XPR1: variants seen among roughly 807,000 people sequenced by gnomAD.
XPR1 encodes solute carrier family 53 member 1.
A neutral mutation model predicts 87.5 loss-of-function variants in XPR1; 28 were observed. That is an observed-to-expected ratio of 0.32 (90% CI 0.24 to 0.44). XPR1 has a LOEUF of 0.44. Among genes scored for constraint, XPR1 ranks in the 20% least tolerant of loss-of-function variants. XPR1 has a pLI of 1.00. For synonymous variants in XPR1, 300 were observed against 306.1 expected (o/e 0.98, Z 0.21); for missense variants, 559 against 862.3 (o/e 0.65, Z 4.41).
At chr1:180,846,779 A>G (rs1230756692) in intron 11 of XPR1, among the ~76,000 whole-genome samples, 2 of 151,924 alleles carry the variant, frequency 1.3e-5, no homozygotes, top group South Asian at 2.1e-4. Flanking sequence ...TTGGATAGGT[A>G]TAAGATACGG....
intron 2 of XPR1, among the ~76,000 whole-genome samples, chr1:180,688,084 T>G (rs1656850666): frequency 6.8e-6 from 1 of 147,854 alleles, no homozygotes; most frequent in Non-Finnish European, 1.5e-5. Flanking sequence ...AGTGTCTTGC[T>G]CTCTCTCCCA....
intron 13 of XPR1, 145 bp downstream of exon 13, chr1:180,874,087 GGAAAA>G: frequency 9.8e-7 from 1 of 1,021,764 alleles, no homozygotes; most frequent in Non-Finnish European, 1.4e-6. Flanking sequence ...CCTTAGAATT[GGAAAA>G]CCATGTTGGC....
chr1:180,791,240 A>ATATT lies in XPR1; in HGVS notation c.223+3389_223+3390insTTAT, dbSNP rs1451754733. 3.3e-5 allele frequency among the ~76,000 whole-genome samples: 5 copies of ATATT among 152,264 alleles called. No homozygotes were observed. In the South Asian group the frequency reaches 1.0e-3, roughly 32 times the overall value. On this transcript the variant is annotated intron_variant, in intron 3 of 14. Coordinates refer to ENST00000367590, the MANE Select transcript of XPR1 (RefSeq NM_004736.4). ...AATGCTTCTTTGTTTATGAAGAAAAATATCTACTCTTGGTAGTAGATACTT... is the reference window on the plus strand; with the variant it reads ...AATGCTTCTTTGTTTATGAAGAAAAATATTTATCTACTCTTGGTAGTAGATACTT...
chr1:180,762,434 A>T (rs10914089), intron 2 of XPR1, among the ~76,000 whole-genome samples: 3,724 of 152,250 alleles, frequency 0.024, 162 homozygotes, highest in African/African-American at 0.084. Flanking sequence ...GCTAAAAATG[A>T]ATTATCTTGA....
At chr1:180,773,521 A>C (rs535820967) in intron 2 of XPR1, among the ~76,000 whole-genome samples, 1 of 152,374 alleles carries the variant, frequency 6.6e-6, no homozygotes, top group African/African-American at 2.4e-5. Flanking sequence ...CATTTTTAGC[A>C]TAACTCTTTG....
chr1:180,862,834 C>CT (rs963524587), intron 11 of XPR1, among the ~76,000 whole-genome samples: 12 of 152,092 alleles, frequency 7.9e-5, no homozygotes, highest in African/African-American at 2.9e-4. Context: ...ATTTGTACGC[C>CT]TTTTTTTCCT....
At chr1:180,682,326 G>T in intron 1 of XPR1, 34 bp from the exon 2 acceptor site, 1 of 1,541,364 alleles carries the variant, frequency 6.5e-7, no homozygotes, top group Non-Finnish European at 8.8e-7. Context: ...GCTTACTCAT[G>T]ATTTCATATA....
intron 1 of XPR1, among the ~76,000 whole-genome samples, chr1:180,633,499 T>C (rs971441491): frequency 6.6e-6 from 1 of 152,232 alleles, no homozygotes; most frequent in Middle Eastern, 3.2e-3. Context: ...TATTTATTCA[T>C]ATAGCCATTG....
At chr1:180,849,868 G>C (rs1223854381) in intron 11 of XPR1, among the ~76,000 whole-genome samples, 1 of 152,214 alleles carries the variant, frequency 6.6e-6, no homozygotes, top group African/African-American at 2.4e-5. Flanking sequence ...TTCAGTGGAA[G>C]TCTCAATACA....
chr1:180,639,644 G>C (rs77664355), intron 1 of XPR1, among the ~76,000 whole-genome samples: 1 of 152,120 alleles, frequency 6.6e-6, no homozygotes, highest in East Asian at 1.9e-4. Context: ...TGTTAAAGTC[G>C]TAATTCATAG....
chr1:180,819,158 C>A (rs1558023732), intron 7 of XPR1, among the ~76,000 whole-genome samples: 1 of 151,672 alleles, frequency 6.6e-6, no homozygotes, highest in Admixed American at 6.6e-5. Context: ...CTCACTATAT[C>A]GCCTAGGCTG....
chr1:180,784,237 A>C (rs1056248316), intron 2 of XPR1, among the ~76,000 whole-genome samples: 6 of 152,040 alleles, frequency 3.9e-5, no homozygotes, highest in Non-Finnish European at 7.4e-5. Flanking sequence ...TATCATTACC[A>C]TTGCCACATG....
At chr1:180,731,317 G>T (rs925452378) in intron 2 of XPR1, among the ~76,000 whole-genome samples, 2 of 152,162 alleles carry the variant, frequency 1.3e-5, no homozygotes, top group Non-Finnish European at 2.9e-5. Flanking sequence ...AAGGAAGAAG[G>T]CTTTAATCAG....
chr1:180,855,999 G>T lies in XPR1; in HGVS notation c.1502-7709G>T, dbSNP rs190097835. Among the ~76,000 whole-genome samples, 17 of 152,036 alleles carry T rather than the reference G, an allele frequency of 1.1e-4. No individual in the cohort carries two copies. In the East Asian group the frequency reaches 3.1e-3, roughly 28 times the overall value. On this transcript the variant is annotated intron_variant, in intron 11 of 14. Coordinates refer to ENST00000367590, the MANE Select transcript of XPR1 (RefSeq NM_004736.4). The stretch of plus-strand genomic sequence containing the variant: ...ATCTTCAAACTGTTTGTCATTACTG[G>T]CTCCTTCCTTCTAGCCTATGTACAT...
chr1:180,650,586 A>G (rs1426203012), intron 1 of XPR1, among the ~76,000 whole-genome samples: 1 of 152,236 alleles, frequency 6.6e-6, no homozygotes, highest in African/African-American at 2.4e-5. Flanking sequence ...TGTCATTTCC[A>G]AAGGCCTATC....
At chr1:180,831,966 C>T (rs933611725) in intron 9 of XPR1, among the ~76,000 whole-genome samples, 21 of 152,292 alleles carry the variant, frequency 1.4e-4, no homozygotes, top group East Asian at 5.8e-4. Context: ...CTTGAGGAAT[C>T]GCCACACTGT....
intron 9 of XPR1, among the ~76,000 whole-genome samples, chr1:180,831,895 C>T (rs186230411): frequency 6.6e-6 from 1 of 152,272 alleles, no homozygotes; most frequent in East Asian, 1.9e-4. Flanking sequence ...GATTTATAAT[C>T]CTTTGGGTGT....
intron 2 of XPR1, among the ~76,000 whole-genome samples, chr1:180,739,571 G>A (rs115226017): frequency 1.2e-3 from 187 of 152,264 alleles, no homozygotes; most frequent in African/African-American, 4.3e-3. Context: ...TATGGAAAGT[G>A]TCTCCATTTA....
Position 180,863,534 on chromosome 1 carries a change from G to C in XPR1, c.1502-174G>C, listed in dbSNP as rs149871920. Reference sequence around the variant, plus strand: ...GTTTGATGATTGCTTTGGACCTCAGGGAAATCATATTTATTATTTAACCTT... The same window carrying C: ...GTTTGATGATTGCTTTGGACCTCAGCGAAATCATATTTATTATTTAACCTT... On this transcript the variant is annotated intron_variant, in intron 11 of 14. Transcript: ENST00000367590. 1.3e-4 allele frequency among the ~76,000 whole-genome samples: 20 copies of C among 152,086 alleles called. No individual in the cohort carries two copies. The East Asian group carries it at 3.7e-3, about 28-fold the overall frequency.
Sources: gnomAD v4.1 joint callset for allele counts (sites outside exome capture counted in the v4.1 genomes callset) on GRCh38, gnomAD v4.1.1 for gene constraint, MANE v1.5 for transcripts, NCBI Gene and HGNC (gene_info 2026-07-23, HGNC 2026-07-21) for gene names.